The following REEP3 variants were observed in gnomAD, a reference collection of about 807,000 sequenced individuals.
REEP3 encodes receptor expression-enhancing protein 3.
REEP3 carries 20 observed loss-of-function variants against 41.3 expected under a neutral mutation model. The observed-to-expected ratio is 0.48, with a 90% CI of 0.34 to 0.70. The LOEUF is 0.70. REEP3 is among the 30% of genes least tolerant of loss of function. REEP3 has a pLI of 0.01. For synonymous variants in REEP3, 104 were observed against 101.8 expected, an observed-to-expected ratio of 1.02 and a Z score of -0.13; for missense variants, 271 against 308.8, an observed-to-expected ratio of 0.88 and a Z score of 0.92.
intron 1 of REEP3, chr10:63,521,900 G>A (rs1955265047): frequency 6.6e-6 from 1 of 151,286 alleles, no homozygotes; most frequent in Non-Finnish European, 1.5e-5. Flanking sequence ...CAGGGCAGGC[G>A]GCGCGCGCTC....
At chr10:63,537,665 A>T (rs1955487682) in intron 1 of REEP3, among the ~76,000 whole-genome samples, 1 of 152,126 alleles carries the variant, frequency 6.6e-6, no homozygotes, top group African/African-American at 2.4e-5. Flanking sequence ...TAGCAACGGA[A>T]AGGAGAGGCT....
intron 1 of REEP3, among the ~76,000 whole-genome samples, chr10:63,536,417 T>G (rs1346613743): frequency 1.3e-5 from 2 of 152,222 alleles, no homozygotes; most frequent in African/African-American, 4.8e-5. Flanking sequence ...TTTATCTCTC[T>G]CTATGTGAAA....
chr10:63,619,503 TA>T (rs1307709518), intron 6 of REEP3, among the ~76,000 whole-genome samples, 151 bp from the exon 7 acceptor site: 1 of 152,198 alleles, frequency 6.6e-6, no homozygotes, highest in Non-Finnish European at 1.5e-5. Context: ...AGGCAAAGCT[TA>T]ATGATAAAGG....
intron 1 of REEP3, among the ~76,000 whole-genome samples, chr10:63,543,135 T>A (rs921985188): frequency 2.6e-5 from 4 of 152,208 alleles, no homozygotes; most frequent in African/African-American, 9.7e-5. Flanking sequence ...TGCTTTCAGT[T>A]ATCTAATACT....
chr10:63,561,361 G>A (rs1275550876), intron 1 of REEP3, among the ~76,000 whole-genome samples: 6 of 151,252 alleles, frequency 4.0e-5, no homozygotes, highest in Non-Finnish European at 1.5e-5. Context: ...AAAAATATGT[G>A]TTTTAATTAA....
intron 2 of REEP3, among the ~76,000 whole-genome samples, chr10:63,572,071 C>T (rs768185238): frequency 3.3e-5 from 5 of 152,136 alleles, no homozygotes; most frequent in Non-Finnish European, 7.3e-5. Context: ...GGCAGCTTAC[C>T]AGGGCGGGAC....
At chr10:63,562,273 T>TTC (rs1955748092) in intron 1 of REEP3, among the ~76,000 whole-genome samples, 1 of 151,464 alleles carries the variant, frequency 6.6e-6, no homozygotes, top group Non-Finnish European at 1.5e-5. Context: ...TTTTTTTTTT[T>TTC]AGAGACGGAG....
chr10:63,614,891 A>G (rs1330864534), intron 6 of REEP3, among the ~76,000 whole-genome samples: 2 of 152,246 alleles, frequency 1.3e-5, no homozygotes, highest in Admixed American at 1.3e-4. Context: ...AGAATATGTC[A>G]TAAGGAAATA....
chr10:63,602,228 C>T lies in REEP3; in HGVS notation c.417+2945C>T, dbSNP rs79456346. 2.4e-3 allele frequency among the ~76,000 whole-genome samples: 370 copies of T among 152,158 alleles called. 10 individuals carry two copies. The East Asian group carries it at 0.056, about 23-fold the overall frequency. On this transcript the variant is annotated intron_variant, in intron 5 of 7. Transcript: ENST00000373758. ...TGAACACAGACTAAGGATTTAACAA[C>T]TGTGGTTTTGCCATATTGAGAGTAT...
At chr10:63,595,671 G>A (rs1197107089) in intron 3 of REEP3, among the ~76,000 whole-genome samples, 1 of 151,978 alleles carries the variant, frequency 6.6e-6, no homozygotes, top group African/African-American at 2.4e-5. Context: ...CTACCTCCCG[G>A]GTTCAAGCGA....
chr10:63,536,905 G>A (rs1451238209), intron 1 of REEP3, among the ~76,000 whole-genome samples: 34 of 152,216 alleles, frequency 2.2e-4, no homozygotes, highest in Non-Finnish European at 2.9e-5. Context: ...CATGATGCCA[G>A]TAGGAGAGTA....
chr10:63,527,935 G>C (rs141040884), intron 1 of REEP3, among the ~76,000 whole-genome samples: 1 of 139,842 alleles, frequency 7.2e-6, no homozygotes, highest in East Asian at 2.2e-4. Flanking sequence ...TGGTTTCCAA[G>C]AAACCTTGCT....
chr10:63,621,812 C>G lies in REEP3; in HGVS notation c.*943C>G, dbSNP rs1956355382. The G allele has an allele frequency of 6.6e-6, 1 of 152,194 alleles. No individual in the cohort carries two copies. The allele number at this position is 152,194 out of a possible 1,614,324, so 9.4% of individuals were successfully genotyped here. A position where few individuals can be genotyped will look rare whatever the true frequency, so the allele number is the denominator to read the frequency against. Reference sequence around the variant, plus strand: ...AATAGAATCAGTGACCAGTATAGCACTTAGATCCCTTCTAACTCATATAAT... The same window carrying G: ...AATAGAATCAGTGACCAGTATAGCAGTTAGATCCCTTCTAACTCATATAAT... On this transcript the variant is annotated 3_prime_UTR_variant, in exon 8 of 8. Transcript: ENST00000373758.
In REEP3 at chr10:63,580,515, G is replaced by A. The variant is rs537367089; in HGVS notation, c.105+14105G>A. On this transcript the variant is annotated intron_variant, in intron 2 of 7. Transcript: ENST00000373758. ...CTGTAAGAAATGTAGCATGAATAAA[G>A]CAATATAAGAGCAAAAAATAAAAAC... Among the ~76,000 whole-genome samples the A allele has an allele frequency of 2.6e-5, 4 of 152,148 alleles. No homozygotes were observed. The South Asian group carries it at 6.2e-4, about 24-fold the overall frequency.
intron 1 of REEP3, among the ~76,000 whole-genome samples, chr10:63,529,033 C>T (rs556293489): frequency 3.3e-5 from 5 of 152,218 alleles, no homozygotes; most frequent in Non-Finnish European, 7.4e-5. Flanking sequence ...AAATATTTTC[C>T]GCAGTAAGAG....
intron 2 of REEP3, among the ~76,000 whole-genome samples, chr10:63,576,102 T>TC (rs1435192890): frequency 1.3e-5 from 2 of 152,220 alleles, no homozygotes; most frequent in African/African-American, 4.8e-5. Context: ...CTTCTGTTTT[T>TC]CATGTATAAT....
chr10:63,606,225 C>T (rs1589886779), intron 5 of REEP3: 5 of 190,488 alleles, frequency 2.6e-5, no homozygotes, highest in East Asian at 2.1e-4. Flanking sequence ...TGACTAAGAC[C>T]GCTGTTTCCA....
intron 5 of REEP3, among the ~76,000 whole-genome samples, chr10:63,599,975 T>C (rs1355860799): frequency 6.6e-6 from 1 of 152,218 alleles, no homozygotes; most frequent in Admixed American, 6.6e-5. Flanking sequence ...ATGTATAAAA[T>C]GGGGGTAATA....
chr10:63,588,338 G>A (rs1269410415), intron 2 of REEP3, among the ~76,000 whole-genome samples: 1 of 151,728 alleles, frequency 6.6e-6, no homozygotes, highest in Non-Finnish European at 1.5e-5. Flanking sequence ...AAATATTCCT[G>A]CTTTCTCATA....
Sources: allele counts gnomAD v4.1 joint callset (sites outside exome capture counted in the v4.1 genomes callset), GRCh38; gene constraint gnomAD v4.1.1; transcripts MANE v1.5; gene names NCBI Gene and HGNC (gene_info 2026-07-23, HGNC 2026-07-21).